ADAM18: variants seen among roughly 807,000 people sequenced by gnomAD.
ADAM18 encodes the protein ADAM metallopeptidase domain 18.
In ADAM18, 117 loss-of-function variants were observed where a neutral mutation model predicts 94.4. The ratio of observed to expected loss-of-function variants is 1.24; its 90% CI spans 1.07 to 1.45. The LOEUF (loss-of-function observed/expected upper bound fraction) is 1.45, where lower values mean the gene tolerates loss of function less well. Ranked by LOEUF, ADAM18 falls within the 40% of genes most tolerant of loss-of-function variation. The pLI is 0.00. For missense variants in ADAM18, 936 were observed against 880.0 expected (o/e 1.06, Z -0.81); for synonymous variants, 327 against 291.6 (o/e 1.12, Z -1.24).
chr8:39,697,148 A>G (rs748925356), intron 17 of ADAM18, among the ~76,000 whole-genome samples: 14 of 151,176 alleles, frequency 9.3e-5, no homozygotes, highest in East Asian at 1.9e-4. Context: ...TTGTTTTCTC[A>G]ATTTCCTTTT....
At chr8:39,679,814 G>A (rs1346051034) in intron 15 of ADAM18, among the ~76,000 whole-genome samples, 1 of 152,140 alleles carries the variant, frequency 6.6e-6, no homozygotes, top group African/African-American at 2.4e-5. Flanking sequence ...TCTATAATGG[G>A]AATGAAGTCG....
chr8:39,646,449 A>G (rs1477005951), intron 11 of ADAM18, among the ~76,000 whole-genome samples: 1 of 152,186 alleles, frequency 6.6e-6, no homozygotes, highest in East Asian at 1.9e-4. Flanking sequence ...ATTTTATGTA[A>G]CCCAATAGAT....
chr8:39,711,343 A>G (rs1464324482), intron 18 of ADAM18, among the ~76,000 whole-genome samples: 1 of 152,168 alleles, frequency 6.6e-6, no homozygotes, highest in African/African-American at 2.4e-5. Context: ...ATTTTCAACA[A>G]CAATGAAAAT....
chr8:39,612,082 G>A (rs1819292389), intron 6 of ADAM18, among the ~76,000 whole-genome samples: 1 of 151,626 alleles, frequency 6.6e-6, no homozygotes, highest in Non-Finnish European at 1.5e-5. Context: ...TACCTTGAAT[G>A]TAAATGAATT....
At chr8:39,711,363 T>C (rs1379354872) in intron 18 of ADAM18, among the ~76,000 whole-genome samples, 3 of 151,998 alleles carry the variant, frequency 2.0e-5, no homozygotes, top group Middle Eastern at 3.2e-3. Flanking sequence ...TTCACAAGGC[T>C]TAAAAAGGAA....
At chr8:39,670,390 T>G (rs1275730557) in intron 14 of ADAM18, among the ~76,000 whole-genome samples, 3 of 152,182 alleles carry the variant, frequency 2.0e-5, no homozygotes, top group African/African-American at 7.2e-5. Context: ...CCTTGATTCA[T>G]TTACTTAGCT....
rs144481134 is a variant in ADAM18 at position 39,616,797 on chromosome 8, G to A, written c.522+6091G>A. Among the ~76,000 whole-genome samples the A allele has an allele frequency of 2.0e-3, 309 of 152,234 alleles. 3 individuals carry two copies. The highest frequency in any genetic ancestry group is 0.016 in the East Asian group (84 of 5,180). ...AATTTCTATTCAATAAATGTGCTGG[G>A]ATAACTGGCTAGTCACATGCAAAAG... is the stretch of plus-strand genomic sequence containing the variant. On this transcript the variant is annotated intron_variant, in intron 6 of 19. Coordinates refer to ENST00000265707, the MANE Select transcript of ADAM18 (RefSeq NM_014237.3).
intron 14 of ADAM18, among the ~76,000 whole-genome samples, chr8:39,675,227 G>T (rs1014763493): frequency 6.6e-6 from 1 of 152,138 alleles, no homozygotes; most frequent in East Asian, 1.9e-4. Flanking sequence ...TTTCCAACTT[G>T]GTTCCATTCT....
At chr8:39,667,871 G>T in intron 13 of ADAM18, 127 bp from the exon 14 acceptor site, 1 of 932,946 alleles carries the variant, frequency 1.1e-6, no homozygotes, top group East Asian at 2.6e-5. Flanking sequence ...CAAACTCACG[G>T]ACTTGGGAAC....
chr8:39,720,615 A>T (rs975408410), intron 18 of ADAM18, among the ~76,000 whole-genome samples: 1 of 151,564 alleles, frequency 6.6e-6, no homozygotes, highest in Non-Finnish European at 1.5e-5. Context: ...CTAACACATC[A>T]AAACAAAAAA....
At chr8:39,681,613 A>T (rs2129580587) in intron 16 of ADAM18, among the ~76,000 whole-genome samples, 1 of 152,336 alleles carries the variant, frequency 6.6e-6, no homozygotes, top group Admixed American at 6.5e-5. Flanking sequence ...TTGGGTATGA[A>T]TATAGAACCA....
At chr8:39,611,606 G>A (rs1252209316) in intron 6 of ADAM18, 2 of 984,394 alleles carry the variant, frequency 2.0e-6, no homozygotes, top group Admixed American at 6.2e-5. Context: ...GATATGGAAA[G>A]CTGGAAACAG....
At chr8:39,701,143 A>AG (rs1322045409) in intron 17 of ADAM18, among the ~76,000 whole-genome samples, 22 of 142,708 alleles carry the variant, frequency 1.5e-4, no homozygotes, top group African/African-American at 5.4e-4. Flanking sequence ...AAAAAAAAAA[A>AG]AAAAAATTTA....
intron 3 of ADAM18, among the ~76,000 whole-genome samples, chr8:39,607,182 C>T (rs1016000675): frequency 1.3e-5 from 2 of 152,200 alleles, no homozygotes; most frequent in Non-Finnish European, 2.9e-5. Flanking sequence ...AATTTGTGCA[C>T]TGTTGCCACC....
Position 39,656,411 on chromosome 8 carries a change from G to A in ADAM18, c.1231-7384G>A, listed in dbSNP as rs78797922. ...AAAGGATGCCTTTACAAAAAATGAC[G>A]CTGGGACAATTCAATATACATAAGA... On this transcript the variant is annotated intron_variant, in intron 12 of 19. Coordinates refer to ENST00000265707, the MANE Select transcript of ADAM18 (RefSeq NM_014237.3). Among the ~76,000 whole-genome samples, 1,507 of 152,044 alleles carry A rather than the reference G, an allele frequency of 9.9e-3. 23 individuals are homozygous for A. Among genetic ancestry groups the A allele is most frequent in the African/African-American group, 0.035 (1,453 of 41,504 alleles).
intron 7 of ADAM18, among the ~76,000 whole-genome samples, chr8:39,636,145 A>G (rs1442827343): frequency 6.6e-6 from 1 of 151,730 alleles, no homozygotes; most frequent in Non-Finnish European, 1.5e-5. Context: ...CATCCTTCCA[A>G]GTAGCTGGGA....
At chr8:39,673,281 G>T (rs555409798) in intron 14 of ADAM18, among the ~76,000 whole-genome samples, 1 of 152,094 alleles carries the variant, frequency 6.6e-6, no homozygotes, top group Non-Finnish European at 1.5e-5. Flanking sequence ...TCAAATATGT[G>T]TGAGAAGTGT....
At chr8:39,645,270 A>G (rs1192541917) in intron 10 of ADAM18, 68 bp from the exon 11 acceptor site, 26 of 1,376,708 alleles carry the variant, frequency 1.9e-5, no homozygotes, top group Non-Finnish European at 2.5e-5. Flanking sequence ...GATAGGAGTA[A>G]AAATATTTCA....
intron 6 of ADAM18, among the ~76,000 whole-genome samples, chr8:39,615,595 C>G (rs561218789): frequency 2.6e-4 from 40 of 152,210 alleles, no homozygotes; most frequent in African/African-American, 9.6e-4. Context: ...ATGACAAACC[C>G]ACAGTAAATA....
Sources: allele counts gnomAD v4.1 joint callset (sites outside exome capture counted in the v4.1 genomes callset), GRCh38; gene constraint gnomAD v4.1.1; transcripts MANE v1.5; gene names NCBI Gene and HGNC (gene_info 2026-07-23, HGNC 2026-07-21).